The following SLC7A8 variants were observed in gnomAD, a reference collection of about 807,000 sequenced individuals.
The protein encoded by SLC7A8 is solute carrier family 7 member 8, also known as large neutral amino acids transporter small subunit 2.
SLC7A8 carries 30 observed loss-of-function variants against 51.2 expected under a neutral mutation model. The ratio of observed to expected loss-of-function variants is 0.59; its 90% CI spans 0.44 to 0.80. The LOEUF is 0.80. Ranked by LOEUF, SLC7A8 falls within the 30% of genes least tolerant of loss-of-function variation. SLC7A8 has a pLI of 0.00. For synonymous variants in SLC7A8, 257 were observed against 275.8 expected, an observed-to-expected ratio of 0.93 and a Z score of 0.67; for missense variants, 612 against 674.4, an observed-to-expected ratio of 0.91 and a Z score of 1.03.
chr14:23,150,876 T>C (rs2048840662), intron 3 of SLC7A8, among the ~76,000 whole-genome samples: 1 of 152,210 alleles, frequency 6.6e-6, no homozygotes, highest in Non-Finnish European at 1.5e-5. Context: ...AGGATGCTCC[T>C]TCACAAATGA....
At position 23,148,386 on chromosome 14, in the gene SLC7A8, G is replaced by A. The variant is rs571603818; in HGVS notation, c.509-5182C>T. On this transcript the variant is annotated intron_variant, in intron 3 of 10. Transcript: ENST00000316902. The stretch of plus-strand genomic sequence containing the variant: ...TGGGATTACAGGTGTCCGCCACCAC[G>A]CCTGGCTAATTTTTGTATTTTTAGT... Among the ~76,000 whole-genome samples the A allele has an allele frequency of 5.3e-5, 8 of 152,150 alleles. No individual in the cohort carries two copies. In the South Asian group the frequency reaches 1.0e-3, roughly 20 times the overall value.
chr14:23,171,011 G>A (rs2048972959), intron 1 of SLC7A8, among the ~76,000 whole-genome samples: 1 of 152,134 alleles, frequency 6.6e-6, no homozygotes, highest in Non-Finnish European at 1.5e-5. Flanking sequence ...TTACAGGCAC[G>A]AGCCATCCTG....
At chr14:23,155,687 C>T (rs1314234042) in intron 3 of SLC7A8, among the ~76,000 whole-genome samples, 4 of 152,024 alleles carry the variant, frequency 2.6e-5, no homozygotes, top group Admixed American at 2.0e-4. Context: ...AAATTGCTAT[C>T]TCACACACCA....
At chr14:23,138,120 C>T (rs926512844) in intron 6 of SLC7A8, 96 bp from the exon 7 acceptor site, 2 of 1,436,438 alleles carry the variant, frequency 1.4e-6, no homozygotes, top group South Asian at 1.3e-5. Flanking sequence ...CTCCTATCTC[C>T]ACCCTTGCTA....
At chr14:23,170,616 G>A (rs533960525) in intron 1 of SLC7A8, among the ~76,000 whole-genome samples, 58 of 152,132 alleles carry the variant, frequency 3.8e-4, no homozygotes, top group Non-Finnish European at 5.6e-4. Flanking sequence ...GTGCCACCAT[G>A]CCAGGCTAAT....
At chr14:23,182,719 C>A in intron 1 of SLC7A8, 45 bp downstream of exon 1, 1 of 1,508,664 alleles carries the variant, frequency 6.6e-7, no homozygotes, top group Non-Finnish European at 8.9e-7. Flanking sequence ...ACAGGAGGAC[C>A]ACCAGAGGGG....
At chr14:23,154,657 C>T (rs190195564) in intron 3 of SLC7A8, among the ~76,000 whole-genome samples, 1 of 152,278 alleles carries the variant, frequency 6.6e-6, no homozygotes, top group East Asian at 1.9e-4. Flanking sequence ...TGACCTCTAA[C>T]GCACACAACC....
chr14:23,130,716 A>G lies in SLC7A8; in HGVS notation c.1113+745T>C, dbSNP rs184805182. Among the ~76,000 whole-genome samples, 411 of 152,314 alleles carry G rather than the reference A, an allele frequency of 2.7e-3. 1 individual carries two copies. The highest frequency in any genetic ancestry group is 3.4e-3 in the Middle Eastern group (1 of 294). On this transcript the variant is annotated intron_variant, in intron 8 of 10. Transcript: ENST00000316902. ...CTGAACATTCTGAAATTGTACAGCA[A>G]TGCTGTAAAATGCTCTTGGCTCCCA... is the stretch of plus-strand genomic sequence containing the variant.
At chr14:23,160,961 T>TC (rs1163458081) in intron 3 of SLC7A8, among the ~76,000 whole-genome samples, 23 of 150,584 alleles carry the variant, frequency 1.5e-4, no homozygotes, top group Middle Eastern at 6.9e-3. Flanking sequence ...TCTCTCTCTC[T>TC]TTTTTTTCTT....
intron 3 of SLC7A8, among the ~76,000 whole-genome samples, chr14:23,162,548 T>G (rs893095325): frequency 1.3e-5 from 2 of 152,200 alleles, no homozygotes; most frequent in African/African-American, 4.8e-5. Flanking sequence ...GAGGGGGGTC[T>G]TGTCATTTTT....
At position 23,156,807 on chromosome 14, in the gene SLC7A8, C is replaced by T. The variant is rs115816443; in HGVS notation, c.508+8478G>A. On this transcript the variant is annotated intron_variant, in intron 3 of 10. Transcript: ENST00000316902. ...ATCAGAAGTAGACATATTCCCAGAA[C>T]AAGCCCCTCATTCCTCCATTTCCAG... Among the ~76,000 whole-genome samples, 1,292 of 152,292 alleles carry T rather than the reference C, an allele frequency of 8.5e-3. 14 individuals carry two copies. The highest frequency in any genetic ancestry group is 0.029 in the African/African-American group (1,205 of 41,558).
Position 23,127,099 on chromosome 14 carries a change from GCATGTGTTGGCA to G in SLC7A8, c.*66_*77del, listed in dbSNP as rs1398135425. The G allele has an allele frequency of 1.3e-6, 2 of 1,540,234 alleles. No individual in the cohort carries two copies. The highest frequency in any genetic ancestry group is 1.8e-6 in the Non-Finnish European group (2 of 1,120,726). On this transcript the variant is annotated 3_prime_UTR_variant, in exon 11 of 11. Transcript: ENST00000316902. ...CAGAGAGAGGGGTGTGTGTGTACTC[GCATGTGTTGGCA>G]GGACCAAGGCAGGGAGGTAGGATAA...
At chr14:23,153,017 G>A (rs1223293729) in intron 3 of SLC7A8, among the ~76,000 whole-genome samples, 2 of 152,206 alleles carry the variant, frequency 1.3e-5, no homozygotes, top group Non-Finnish European at 2.9e-5. Context: ...TGGCCCTAGA[G>A]GTAAATATTT....
intron 6 of SLC7A8, 147 bp from the exon 7 acceptor site, chr14:23,138,171 A>AG: frequency 2.1e-5 from 20 of 943,020 alleles, no homozygotes; most frequent in Non-Finnish European, 3.1e-5. Flanking sequence ...CCACCCTCTC[A>AG]AGGGTGGACC....
chr14:23,175,075 G>A (rs1410678211), intron 1 of SLC7A8, among the ~76,000 whole-genome samples: 4 of 152,176 alleles, frequency 2.6e-5, no homozygotes, highest in South Asian at 2.1e-4. Context: ...AACCTCAGTA[G>A]CCTGGCAACT....
At position 23,151,420 on chromosome 14, in the gene SLC7A8, G is replaced by A. The variant is rs149421218; in HGVS notation, c.509-8216C>T. ...CCCGGATGCCAGACAGAGTTGTGGG[G>A]AGAGGGTACATATTGTGGCTGTCTC... On this transcript the variant is annotated intron_variant, in intron 3 of 10. Transcript: ENST00000316902. Among the ~76,000 whole-genome samples the A allele has an allele frequency of 2.4e-3, 372 of 152,280 alleles. 2 individuals carry two copies. The highest frequency in any genetic ancestry group is 8.4e-3 in the African/African-American group (349 of 41,546).
At chr14:23,176,582 A>T (rs1876929000) in intron 1 of SLC7A8, among the ~76,000 whole-genome samples, 1 of 152,148 alleles carries the variant, frequency 6.6e-6, no homozygotes, top group Admixed American at 6.5e-5. Flanking sequence ...AATTATAATA[A>T]GTACTGTCTT....
chr14:23,145,355 G>A (rs1049992901), intron 3 of SLC7A8, among the ~76,000 whole-genome samples: 23 of 151,358 alleles, frequency 1.5e-4, no homozygotes, highest in Admixed American at 7.2e-4. Flanking sequence ...AGTGAAACCC[G>A]TCTCTACCAA....
At chr14:23,159,489 G>A (rs2048910386) in intron 3 of SLC7A8, among the ~76,000 whole-genome samples, 1 of 152,258 alleles carries the variant, frequency 6.6e-6, no homozygotes, top group Non-Finnish European at 1.5e-5. Context: ...ACTCTCTGGG[G>A]ACTAGGGAAG....
Sources: gnomAD v4.1 joint callset for allele counts (sites outside exome capture counted in the v4.1 genomes callset) on GRCh38, gnomAD v4.1.1 for gene constraint, MANE v1.5 for transcripts, NCBI Gene and HGNC (gene_info 2026-07-23, HGNC 2026-07-21) for gene names.